The following RORA variants were observed in gnomAD, a reference collection of about 807,000 sequenced individuals.
RORA encodes nuclear receptor ROR-alpha.
RORA carries 7 observed loss-of-function variants against 69.5 expected under a neutral mutation model. That is an observed-to-expected ratio of 0.10 (90% CI 0.06 to 0.19). The LOEUF (loss-of-function observed/expected upper bound fraction) is 0.19. Ranked by LOEUF, RORA falls within the 10% of genes least tolerant of loss-of-function variation. RORA has a pLI of 1.00. For synonymous variants in RORA, 261 were observed against 240.8 expected, an observed-to-expected ratio of 1.08 and a Z score of -0.78; for missense variants, 457 against 663.0, an observed-to-expected ratio of 0.69 and a Z score of 3.41.
chr15:61,198,610 G>C (rs1187668295), intron 1 of RORA, among the ~76,000 whole-genome samples: 1 of 119,620 alleles, frequency 8.4e-6, no homozygotes, highest in African/African-American at 3.1e-5. Context: ...ATTCTAAAAC[G>C]ATATTTCTTT....
intron 2 of RORA, among the ~76,000 whole-genome samples, chr15:60,666,301 G>A (rs1356938924): frequency 6.6e-6 from 1 of 150,952 alleles, no homozygotes; most frequent in East Asian, 1.9e-4. Flanking sequence ...CCAAGTAGCT[G>A]GAACTATAGG....
chr15:60,504,469 C>T (rs1251318949), intron 6 of RORA, among the ~76,000 whole-genome samples: 2 of 152,080 alleles, frequency 1.3e-5, no homozygotes, highest in Non-Finnish European at 2.9e-5. Context: ...ATTACTTGAA[C>T]CCGGGAGGCG....
At chr15:61,107,648 T>G (rs1033985077) in intron 1 of RORA, among the ~76,000 whole-genome samples, 3 of 151,924 alleles carry the variant, frequency 2.0e-5, no homozygotes, top group Admixed American at 6.6e-5. Context: ...TAATTAAAAT[T>G]TACTTTTATC....
intron 1 of RORA, among the ~76,000 whole-genome samples, chr15:60,903,193 G>C (rs1347856829): frequency 6.6e-6 from 1 of 152,182 alleles, no homozygotes; most frequent in Non-Finnish European, 1.5e-5. Context: ...GAAGGTTCCA[G>C]GAGAAGACAA....
chr15:60,592,339 C>G, intron 2 of RORA: 1 of 1,342,146 alleles, frequency 7.5e-7, no homozygotes, highest in Admixed American at 3.1e-5. Context: ...CCTCCCCGCC[C>G]CCCGGAGCCG....
At chr15:60,775,669 C>G (rs1449097544) in intron 1 of RORA, among the ~76,000 whole-genome samples, 2 of 152,208 alleles carry the variant, frequency 1.3e-5, no homozygotes, top group Non-Finnish European at 2.9e-5. Flanking sequence ...TACCTTGGAA[C>G]AGATCTGAGC....
chr15:60,592,361 G>C, intron 2 of RORA: 1 of 1,392,568 alleles, frequency 7.2e-7, no homozygotes, highest in Non-Finnish European at 9.4e-7. Context: ...CAGCCCACCC[G>C]GCCCCGGCGG....
At chr15:61,104,725 T>C (rs1176131367) in intron 1 of RORA, among the ~76,000 whole-genome samples, 1 of 152,192 alleles carries the variant, frequency 6.6e-6, no homozygotes, top group Non-Finnish European at 1.5e-5. Flanking sequence ...GGTCTTTGCA[T>C]ATCCTGTTCC....
chr15:60,779,293 T>A (rs928695426), intron 1 of RORA, among the ~76,000 whole-genome samples: 2 of 152,154 alleles, frequency 1.3e-5, no homozygotes, highest in African/African-American at 4.8e-5. Context: ...AACTCTTATC[T>A]TTTTGCATCC....
rs139475695 is a variant in RORA, at chr15:61,129,259, T to A, written c.166+99794A>T. 1.6e-3 allele frequency among the ~76,000 whole-genome samples: 246 copies of A among 151,616 alleles called. 2 individuals carry two copies. Among genetic ancestry groups the A allele is most frequent in the African/African-American group, 5.8e-3 (239 of 41,396 alleles). ...GGTGCCATTTGTGATTCGAGAGGGA[T>A]AAAAAAAAGAAATAGTAAAATACCT... On this transcript the variant is annotated intron_variant, in intron 1 of 10. Transcript: ENST00000335670.
chr15:61,008,540 G>T (rs1338674560), intron 1 of RORA, among the ~76,000 whole-genome samples: 1 of 152,004 alleles, frequency 6.6e-6, no homozygotes, highest in African/African-American at 2.4e-5. Flanking sequence ...GAATCAATTT[G>T]ACTCACAGAA....
intron 1 of RORA, among the ~76,000 whole-genome samples, chr15:61,228,706 C>A (rs2080171546): frequency 6.6e-6 from 1 of 152,130 alleles, no homozygotes; most frequent in Non-Finnish European, 1.5e-5. Context: ...GGCCCCCACT[C>A]CCCGCATCTC....
At chr15:60,604,063 G>A (rs1265801335) in intron 2 of RORA, among the ~76,000 whole-genome samples, 1 of 151,044 alleles carries the variant, frequency 6.6e-6, no homozygotes, top group East Asian at 1.9e-4. Context: ...ACCCTGGGAG[G>A]CGTAGGTTGC....
chr15:60,641,072 C>G (rs1174577824), intron 2 of RORA, among the ~76,000 whole-genome samples: 1 of 152,178 alleles, frequency 6.6e-6, no homozygotes, highest in Non-Finnish European at 1.5e-5. Flanking sequence ...CCCACCTTAA[C>G]CTCCTGAGTA....
Position 60,524,551 on chromosome 15 carries a change from G to C in RORA, c.282+7215C>G, listed in dbSNP as rs147330113. ...CTCTGACCTGGGCCCTCTCAAAGCT[G>C]GTTGAGGGGCCCCTCCCATGTGTAC... On this transcript the variant is annotated intron_variant, in intron 3 of 10. Transcript: ENST00000335670. Among the ~76,000 whole-genome samples, 157 of 152,282 alleles carry C rather than the reference G, an allele frequency of 1.0e-3. No homozygotes were observed. In the East Asian group the frequency reaches 0.011, roughly 10 times the overall value.
At chr15:60,709,448 G>T (rs925323298) in intron 1 of RORA, among the ~76,000 whole-genome samples, 5 of 152,082 alleles carry the variant, frequency 3.3e-5, no homozygotes, top group Admixed American at 6.6e-5. Context: ...TTTAGATCAG[G>T]GGTCCTTAAC....
intron 2 of RORA, chr15:60,592,636 AGGCGGG>A (rs2068564981): frequency 1.0e-5 from 6 of 581,734 alleles, no homozygotes; most frequent in Non-Finnish European, 1.2e-5. Flanking sequence ...CCGGGGCGGG[AGGCGGG>A]AGGCGGGAGG....
In RORA at chr15:60,874,633, G is replaced by A. The variant is rs144922052; in HGVS notation, c.167-195947C>T. Among the ~76,000 whole-genome samples the A allele has an allele frequency of 1.2e-3, 176 of 152,254 alleles. 1 individual carries two copies. Among genetic ancestry groups the A allele is most frequent in the African/African-American group, 2.9e-3 (121 of 41,538 alleles). On this transcript the variant is annotated intron_variant, in intron 1 of 10. Transcript: ENST00000335670. ...ATTGTTTGCTAACTCCTATTCCAGC[G>A]TATAAAATTTCTTCTTAATCACCAA...
At chr15:60,949,129 T>C (rs559688949) in intron 1 of RORA, among the ~76,000 whole-genome samples, 3 of 152,278 alleles carry the variant, frequency 2.0e-5, no homozygotes, top group African/African-American at 7.2e-5. Flanking sequence ...CTGAAGCACC[T>C]AGCATGCACC....
Sources: allele counts gnomAD v4.1 joint callset (sites outside exome capture counted in the v4.1 genomes callset), GRCh38; gene constraint gnomAD v4.1.1; transcripts MANE v1.5; gene names NCBI Gene and HGNC (gene_info 2026-07-23, HGNC 2026-07-21).